Variants in IGF1R observed in about 807,000 individuals in gnomAD.
IGF1R encodes insulin-like growth factor 1 receptor.
In IGF1R, 44 loss-of-function variants were observed where a neutral mutation model predicts 144.6. The ratio of observed to expected loss-of-function variants is 0.30; its 90% confidence interval spans 0.24 to 0.39. The LOEUF is 0.39. Among genes scored for constraint, IGF1R ranks in the 10% least tolerant of loss-of-function variants. IGF1R has a pLI of 1.00. For missense variants in IGF1R, 1,355 were observed against 1,833.7 expected, an observed-to-expected ratio of 0.74 and a Z score of 4.77; for synonymous variants, 795 against 722.8, an observed-to-expected ratio of 1.10 and a Z score of -1.60.
At chr15:98,725,744 GT>G (rs1232366522) in intron 2 of IGF1R, among the ~76,000 whole-genome samples, 1 of 152,344 alleles carries the variant, frequency 6.6e-6, no homozygotes, top group East Asian at 1.9e-4. Context: ...AGAAAAAGAG[GT>G]TTTAATTGGA....
intron 1 of IGF1R, among the ~76,000 whole-genome samples, chr15:98,702,072 G>A (rs1190590293): frequency 8.0e-6 from 1 of 125,132 alleles, no homozygotes; most frequent in Non-Finnish European, 1.6e-5. Flanking sequence ...CCTCAAGGTT[G>A]TGTCTAAGAC....
In IGF1R at chr15:98,906,046, C is replaced by A. The variant is rs79490218; in HGVS notation, c.1248-2639C>A. Among the ~76,000 whole-genome samples the A allele has an allele frequency of 3.9e-5, 6 of 152,308 alleles. 1 individual carries two copies. The South Asian group carries it at 8.3e-4, about 21-fold the overall frequency. ...GCCTGGGTTTTATTGATATTGGTAT[C>A]CTGGCTCCCAGCCTCTTCAATGATT... On this transcript the variant is annotated intron_variant, in intron 5 of 20. Coordinates refer to ENST00000650285, the MANE Select transcript of IGF1R (RefSeq NM_000875.5).
At chr15:98,728,311 G>C (rs537537330) in intron 2 of IGF1R, among the ~76,000 whole-genome samples, 189 of 152,200 alleles carry the variant, frequency 1.2e-3, no homozygotes, top group African/African-American at 3.8e-3. Flanking sequence ...GGCTGGGTGG[G>C]GATGAGAATG....
chr15:98,702,694 C>G (rs1411117827), intron 1 of IGF1R, among the ~76,000 whole-genome samples: 1 of 152,136 alleles, frequency 6.6e-6, no homozygotes, highest in Non-Finnish European at 1.5e-5. Flanking sequence ...CTTCTGGAGG[C>G]TGAGGCTGGA....
intron 2 of IGF1R, among the ~76,000 whole-genome samples, chr15:98,814,625 C>A (rs752379077): frequency 6.6e-6 from 1 of 152,104 alleles, no homozygotes; most frequent in Non-Finnish European, 1.5e-5. Context: ...TGGGATTACA[C>A]GTGTGAGCCA....
Position 98,962,568 on chromosome 15 carries a change from C to A in IGF1R, c.*5126C>A. The stretch of plus-strand genomic sequence containing the variant: ...GTCAGAGGGTTTCATTTTTGGCCTT[C>A]ATCTTAGATGACTGGTTGCGTCATT... On this transcript the variant is annotated 3_prime_UTR_variant, in exon 21 of 21. Coordinates refer to ENST00000650285, the MANE Select transcript of IGF1R (RefSeq NM_000875.5). 1 of 233,784 alleles carries A rather than the reference C, an allele frequency of 4.3e-6. No individual in the cohort carries two copies. Among genetic ancestry groups the A allele is most frequent in the Non-Finnish European group, 8.5e-6 (1 of 118,112 alleles). The allele number at this position is 233,784 out of a possible 1,614,324, so 14.5% of individuals were successfully genotyped here.
intron 2 of IGF1R, among the ~76,000 whole-genome samples, chr15:98,757,592 A>G (rs1158927998): frequency 6.6e-6 from 1 of 152,116 alleles, no homozygotes; most frequent in Non-Finnish European, 1.5e-5. Context: ...ATCACATGTA[A>G]TATCCCTCTC....
intron 1 of IGF1R, among the ~76,000 whole-genome samples, chr15:98,657,371 T>G (rs938808854): frequency 5.3e-5 from 8 of 152,246 alleles, no homozygotes. Context: ...AAGTGTTTTC[T>G]AAGTCATTAG....
intron 2 of IGF1R, among the ~76,000 whole-genome samples, chr15:98,737,106 C>T (rs943218717): frequency 2.0e-5 from 3 of 152,206 alleles, no homozygotes; most frequent in Admixed American, 2.0e-4. Context: ...GGGACACCCC[C>T]TCTACAGGGA....
intron 2 of IGF1R, among the ~76,000 whole-genome samples, chr15:98,837,495 G>T (rs1327722489): frequency 6.6e-6 from 1 of 152,018 alleles, no homozygotes; most frequent in Non-Finnish European, 1.5e-5. Flanking sequence ...CTCCCAGAGT[G>T]CTGGGATTAC....
At chr15:98,915,146 T>A (rs1409788438) in intron 8 of IGF1R, among the ~76,000 whole-genome samples, 1 of 152,172 alleles carries the variant, frequency 6.6e-6, no homozygotes, top group Admixed American at 6.5e-5. Context: ...TGTGACCCAA[T>A]AAGGACAAGA....
At chr15:98,770,254 T>C (rs941411363) in intron 2 of IGF1R, among the ~76,000 whole-genome samples, 1 of 152,242 alleles carries the variant, frequency 6.6e-6, no homozygotes, top group East Asian at 1.9e-4. Flanking sequence ...AAAACAGATA[T>C]TGCGTGTTCT....
At chr15:98,854,465 G>C (rs2011681188) in intron 2 of IGF1R, among the ~76,000 whole-genome samples, 1 of 152,164 alleles carries the variant, frequency 6.6e-6, no homozygotes, top group Admixed American at 6.5e-5. Context: ...CCCCTTCTCT[G>C]TCTGGTAAAT....
At position 98,957,263 on chromosome 15, in the gene IGF1R, G is replaced by GCCTCCTCGT. The variant is rs763284433; in HGVS notation, c.3931_3939dup (p.Ser1311_Ser1313dup). On this transcript the variant is annotated inframe_insertion, in exon 21 of 21. Transcript: ENST00000650285. Reference sequence around the variant, plus strand: ...GGAGAGCGTCCCCCTGGACCCCTCGGCCTCCTCGTCCTCCCTGCCACTGCC... The same window carrying GCCTCCTCGT: ...GGAGAGCGTCCCCCTGGACCCCTCGGCCTCCTCGTCCTCCTCGTCCTCCCTGCCACTGCC... 3.7e-6 allele frequency: 6 copies of GCCTCCTCGT among 1,613,928 alleles called. No homozygotes were observed. Among genetic ancestry groups the GCCTCCTCGT allele is most frequent in the South Asian group, 3.3e-5 (3 of 91,090 alleles).
intron 2 of IGF1R, among the ~76,000 whole-genome samples, chr15:98,747,614 A>G (rs1169081966): frequency 6.6e-6 from 1 of 152,210 alleles, no homozygotes. Context: ...GTATGTGAGC[A>G]TGAGAACTGT....
chr15:98,694,913 G>C (rs1596196468), intron 1 of IGF1R, among the ~76,000 whole-genome samples: 1 of 152,190 alleles, frequency 6.6e-6, no homozygotes, highest in Non-Finnish European at 1.5e-5. Context: ...GAAGGGAATG[G>C]GATTTAATAG....
chr15:98,905,981 T>C (rs1271892828), intron 5 of IGF1R, among the ~76,000 whole-genome samples: 1 of 152,204 alleles, frequency 6.6e-6, no homozygotes, highest in Non-Finnish European at 1.5e-5. Context: ...TGACAAGGGT[T>C]TTATTTTTAT....
chr15:98,938,726 T>A (rs1053462349), intron 17 of IGF1R, among the ~76,000 whole-genome samples: 15 of 152,230 alleles, frequency 9.9e-5, no homozygotes, highest in Non-Finnish European at 1.6e-4. Flanking sequence ...ACGATGCTCT[T>A]ATGGGAAATA....
chr15:98,803,862 A>G lies in IGF1R; in HGVS notation c.641-87463A>G, dbSNP rs557505129. Among the ~76,000 whole-genome samples the G allele has an allele frequency of 6.5e-4, 99 of 152,356 alleles. 2 individuals carry two copies. In the South Asian group the frequency reaches 0.012, roughly 18 times the overall value. ...ACACTCTTAAATAACTATAAAAAGT[A>G]TAGTAAATACATAAACCAATAACAT... On this transcript the variant is annotated intron_variant, in intron 2 of 20. Transcript: ENST00000650285.
Sources: allele counts gnomAD v4.1 joint callset (sites outside exome capture counted in the v4.1 genomes callset), GRCh38; gene constraint gnomAD v4.1.1; transcripts MANE v1.5; gene names NCBI Gene and HGNC (gene_info 2026-07-23, HGNC 2026-07-21).